Variants in CNTNAP2 observed in about 807,000 individuals in gnomAD.
CNTNAP2 encodes the protein contactin-associated protein-like 2.
Under a neutral mutation model 155.2 loss-of-function variants are expected in CNTNAP2, and 98 were observed. That is an observed-to-expected ratio of 0.63 (90% CI 0.54 to 0.75). CNTNAP2 has a LOEUF of 0.75. Among genes scored for constraint, CNTNAP2 ranks in the 30% least tolerant of loss-of-function variants. The pLI, the probability that CNTNAP2 is intolerant of heterozygous loss-of-function variation, is 0.00. For missense variants in CNTNAP2, 1,727 were observed against 1,688.1 expected (o/e 1.02, Z -0.40); for synonymous variants, 651 against 631.2 (o/e 1.03, Z -0.47).
At chr7:146,480,673 TA>T (rs1450193197) in intron 1 of CNTNAP2, among the ~76,000 whole-genome samples, 2 of 135,358 alleles carry the variant, frequency 1.5e-5, no homozygotes, top group African/African-American at 6.2e-5. Context: ...AATATATATA[TA>T]TTTTTTTTTT....
intron 9 of CNTNAP2, among the ~76,000 whole-genome samples, chr7:147,347,461 T>TATATATATATATATGC (rs1305974654): frequency 2.9e-4 from 18 of 62,524 alleles, no homozygotes; most frequent in African/African-American, 6.2e-4. Context: ...TATATGCATA[T>TATATATATATATATGC]ATATATATAT....
At chr7:147,003,437 A>T (rs1398565148) in intron 3 of CNTNAP2, among the ~76,000 whole-genome samples, 4 of 152,190 alleles carry the variant, frequency 2.6e-5, no homozygotes, top group Non-Finnish European at 5.9e-5. Context: ...TAATACTTGC[A>T]AAGTTATATT....
chr7:148,331,659 G>GTCGATGGATGGAATGGACGGATGGAT, intron 21 of CNTNAP2, among the ~76,000 whole-genome samples: 1 of 141,428 alleles, frequency 7.1e-6, no homozygotes, highest in Non-Finnish European at 1.6e-5. Context: ...GACGGATGGA[G>GTCGATGGATGGAATGGACGGATGGAT]TGGATGGATG....
chr7:146,879,062 G>T (rs1443900364), intron 3 of CNTNAP2, among the ~76,000 whole-genome samples: 1 of 152,228 alleles, frequency 6.6e-6, no homozygotes, highest in African/African-American at 2.4e-5. Context: ...TGTAGTAACT[G>T]CTCCATAAGT....
intron 21 of CNTNAP2, among the ~76,000 whole-genome samples, chr7:148,295,648 C>A (rs1354401414): frequency 7.0e-6 from 1 of 141,906 alleles, no homozygotes; most frequent in Non-Finnish European, 1.5e-5. Flanking sequence ...CCCGCCACCG[C>A]GCCTGGCTAA....
At chr7:147,077,966 A>C (rs939851145) in intron 4 of CNTNAP2, among the ~76,000 whole-genome samples, 3 of 152,192 alleles carry the variant, frequency 2.0e-5, no homozygotes, top group Non-Finnish European at 2.9e-5. Flanking sequence ...TTACATTTTC[A>C]GGCTTCTTAC....
At chr7:148,265,325 GCA>G (rs1796648737) in intron 20 of CNTNAP2, among the ~76,000 whole-genome samples, 1 of 152,196 alleles carries the variant, frequency 6.6e-6, no homozygotes, top group South Asian at 2.1e-4. Flanking sequence ...CTAGGCTGGA[GCA>G]CAGTGGCATG....
intron 1 of CNTNAP2, among the ~76,000 whole-genome samples, chr7:146,182,268 G>A (rs1367460417): frequency 6.6e-6 from 1 of 152,010 alleles, no homozygotes; most frequent in African/African-American, 2.4e-5. Context: ...TTTTGTCTAG[G>A]TAGGATACTT....
chr7:147,397,892 T>C (rs1796846054), intron 10 of CNTNAP2, among the ~76,000 whole-genome samples: 1 of 152,052 alleles, frequency 6.6e-6, no homozygotes, highest in Non-Finnish European at 1.5e-5. Flanking sequence ...AAAGATTAGC[T>C]GCAGGGAAGT....
At chr7:146,518,370 AG>A (rs1477169893) in intron 1 of CNTNAP2, among the ~76,000 whole-genome samples, 1 of 151,868 alleles carries the variant, frequency 6.6e-6, no homozygotes, top group African/African-American at 2.4e-5. Context: ...AAACCAATAA[AG>A]TTTGGCTATG....
At chr7:146,727,270 T>G (rs1273566375) in intron 1 of CNTNAP2, among the ~76,000 whole-genome samples, 1 of 152,188 alleles carries the variant, frequency 6.6e-6, no homozygotes, top group Admixed American at 6.5e-5. Context: ...TGTACACCGA[T>G]TTTGGTAATT....
chr7:146,995,503 T>G (rs1223851782), intron 3 of CNTNAP2, among the ~76,000 whole-genome samples: 1 of 152,100 alleles, frequency 6.6e-6, no homozygotes, highest in Admixed American at 6.6e-5. Context: ...ACTTGTTATC[T>G]TTTTTCTTTC....
intron 13 of CNTNAP2, among the ~76,000 whole-genome samples, chr7:147,642,727 T>A (rs1477266984): frequency 1.3e-5 from 2 of 152,196 alleles, no homozygotes; most frequent in African/African-American, 4.8e-5. Context: ...TATATCACTT[T>A]CTTTGTATTT....
At chr7:146,197,071 G>GA (rs969977088) in intron 1 of CNTNAP2, among the ~76,000 whole-genome samples, 13 of 151,522 alleles carry the variant, frequency 8.6e-5, no homozygotes, top group African/African-American at 2.2e-4. Context: ...TTCTCTACTG[G>GA]AAAAAAAATG....
chr7:146,479,183 G>T (rs899386708), intron 1 of CNTNAP2, among the ~76,000 whole-genome samples: 2 of 152,154 alleles, frequency 1.3e-5, no homozygotes, highest in African/African-American at 4.8e-5. Flanking sequence ...AATGGAGGCT[G>T]CAGGATGTTA....
chr7:147,428,224 C>G (rs1338430823), intron 10 of CNTNAP2, among the ~76,000 whole-genome samples: 2 of 152,134 alleles, frequency 1.3e-5, no homozygotes, highest in Non-Finnish European at 2.9e-5. Flanking sequence ...ATACTCAAAC[C>G]TACAATGAAT....
chr7:147,046,827 A>G (rs961475615), intron 4 of CNTNAP2, among the ~76,000 whole-genome samples: 15 of 151,986 alleles, frequency 9.9e-5, no homozygotes, highest in Admixed American at 2.6e-4. Flanking sequence ...CAGGAGATCG[A>G]GACCATCCTG....
At chr7:147,760,245 G>GA (rs111368759) in intron 13 of CNTNAP2, among the ~76,000 whole-genome samples, 5,459 of 130,886 alleles carry the variant, frequency 0.042, 297 homozygotes, top group African/African-American at 0.15. Flanking sequence ...AGCTTCACGG[G>GA]AAAAAAAAAA....
At chr7:148,262,687 T>TC (rs1372331415) in intron 20 of CNTNAP2, among the ~76,000 whole-genome samples, 1 of 152,140 alleles carries the variant, frequency 6.6e-6, no homozygotes, top group South Asian at 2.1e-4. Flanking sequence ...CCAGGAGAAT[T>TC]CCCCTATTAT....
Sources: allele counts gnomAD v4.1 joint callset (sites outside exome capture counted in the v4.1 genomes callset), GRCh38; gene constraint gnomAD v4.1.1; transcripts MANE v1.5; gene names NCBI Gene and HGNC (gene_info 2026-07-23, HGNC 2026-07-21).